The following DGKB variants were observed in gnomAD, a reference collection of about 807,000 sequenced individuals.
DGKB encodes the protein diacylglycerol kinase beta.
DGKB carries 67 observed loss-of-function variants against 114.3 expected under a neutral mutation model. The ratio of observed to expected loss-of-function variants is 0.59; its 90% CI spans 0.48 to 0.72. The LOEUF (loss-of-function observed/expected upper bound fraction) is 0.72. Ranked by LOEUF, DGKB falls within the 30% of genes least tolerant of loss-of-function variation. DGKB has a pLI of 0.00. For missense variants in DGKB, 907 were observed against 975.2 expected (o/e 0.93, Z 0.93); for synonymous variants, 398 against 323.1 (o/e 1.23, Z -2.49).
At chr7:14,555,159 A>T (rs1026714796) in intron 20 of DGKB, among the ~76,000 whole-genome samples, 1 of 152,158 alleles carries the variant, frequency 6.6e-6, no homozygotes. Context: ...ATTTGTTTTT[A>T]TTTAAATGAA....
chr7:14,250,282 T>C (rs1307425515), intron 23 of DGKB, among the ~76,000 whole-genome samples: 2 of 151,962 alleles, frequency 1.3e-5, no homozygotes, highest in Non-Finnish European at 2.9e-5. Flanking sequence ...TTTCTTAATG[T>C]AAGGATTTAT....
Position 14,663,889 on chromosome 7 carries a change from C to G in DGKB, c.1134+9040G>C, listed in dbSNP as rs565743782. 2.0e-5 allele frequency among the ~76,000 whole-genome samples: 3 copies of G among 152,002 alleles called. No homozygotes were observed. In the South Asian group the frequency reaches 6.2e-4, roughly 32 times the overall value. ...TAATAACACTTCTGAAAAGAGGCAG[C>G]TCACTCTCTCAATCCTTACAACTGC... On this transcript the variant is annotated intron_variant, in intron 13 of 25. Coordinates refer to ENST00000402815, the MANE Select transcript of DGKB (RefSeq NM_001350709.2).
At chr7:14,519,435 T>C (rs1333326429) in intron 20 of DGKB, among the ~76,000 whole-genome samples, 1 of 152,146 alleles carries the variant, frequency 6.6e-6, no homozygotes, top group African/African-American at 2.4e-5. Flanking sequence ...TTGTTTCTTT[T>C]AACTGCAAAC....
intron 1 of DGKB, among the ~76,000 whole-genome samples, chr7:14,865,577 C>CT (rs1385891943): frequency 6.6e-6 from 1 of 152,182 alleles, no homozygotes; most frequent in Non-Finnish European, 1.5e-5. Flanking sequence ...GTTTGGCTTC[C>CT]TTTTTCCATT....
At chr7:14,176,800 A>G in intron 25 of DGKB, 39 bp downstream of exon 25, 1 of 1,585,306 alleles carries the variant, frequency 6.3e-7, no homozygotes, top group South Asian at 1.2e-5. Context: ...GGAAAGCAAA[A>G]CTGAGATTGA....
intron 21 of DGKB, among the ~76,000 whole-genome samples, chr7:14,362,133 A>G (rs1448655088): frequency 6.6e-6 from 1 of 152,046 alleles, no homozygotes; most frequent in Non-Finnish European, 1.5e-5. Context: ...GTTTTGTACC[A>G]ATCAATAAGA....
intron 20 of DGKB, among the ~76,000 whole-genome samples, chr7:14,556,511 TTCC>T (rs973381432): frequency 2.6e-5 from 4 of 152,166 alleles, no homozygotes; most frequent in Non-Finnish European, 5.9e-5. Flanking sequence ...AATTATGGTC[TTCC>T]TCCTCATTTT....
At chr7:14,606,581 A>C (rs1430098025) in intron 17 of DGKB, among the ~76,000 whole-genome samples, 1 of 150,852 alleles carries the variant, frequency 6.6e-6, no homozygotes, top group Non-Finnish European at 1.5e-5. Flanking sequence ...ACTAATTTTA[A>C]ATCAACTGCC....
intron 23 of DGKB, among the ~76,000 whole-genome samples, chr7:14,227,069 A>G (rs1790919727): frequency 6.6e-6 from 1 of 151,980 alleles, no homozygotes; most frequent in South Asian, 2.1e-4. Flanking sequence ...TTGTTTTAAG[A>G]GAAAGCTGCC....
In DGKB at chr7:14,262,762, G is replaced by A. The variant is rs1157612485; in HGVS notation, c.2122+75753C>T. On this transcript the variant is annotated intron_variant, in intron 23 of 25. Transcript: ENST00000402815. Reference sequence around the variant, plus strand: ...TGTGGAATGATAAACTCAGAATTAGGGCCAAACCAGCTCCAACTAATCAGA... The same window carrying A: ...TGTGGAATGATAAACTCAGAATTAGAGCCAAACCAGCTCCAACTAATCAGA... Among the ~76,000 whole-genome samples, 3 of 152,044 alleles carry A rather than the reference G, an allele frequency of 2.0e-5. No individual in the cohort carries two copies. The South Asian group carries it at 6.2e-4, about 31-fold the overall frequency.
Position 14,626,147 on chromosome 7 carries a change from T to C in DGKB, c.1167+4089A>G, listed in dbSNP as rs567054568. Among the ~76,000 whole-genome samples the C allele has an allele frequency of 1.5e-4, 23 of 152,310 alleles. No individual in the cohort carries two copies. In the Middle Eastern group the frequency reaches 0.01, roughly 68 times the overall value. ...CTGATTCTCAGAGGTAGAGTATTTG[T>C]ACACTGGTGAAAACTGCTTTCACAA... On this transcript the variant is annotated intron_variant, in intron 14 of 25. Coordinates refer to ENST00000402815, the MANE Select transcript of DGKB (RefSeq NM_001350709.2).
intron 13 of DGKB, among the ~76,000 whole-genome samples, chr7:14,637,043 A>G (rs1185570205): frequency 1.3e-5 from 2 of 151,946 alleles, no homozygotes; most frequent in African/African-American, 4.8e-5. Flanking sequence ...CACATGATAC[A>G]TAGCGCACAA....
At chr7:14,433,290 A>T (rs922408196) in intron 21 of DGKB, among the ~76,000 whole-genome samples, 4 of 152,108 alleles carry the variant, frequency 2.6e-5, no homozygotes, top group African/African-American at 9.7e-5. Flanking sequence ...AACTCTTCTC[A>T]ATCCAATTTC....
At position 14,701,614 on chromosome 7, in the gene DGKB, T is replaced by C. The variant is rs1825190412; in HGVS notation, c.516+67A>G. ...GCCTTCTGTGGTAATAACTACAAAT[T>C]TATTCATTGCATTCTTCAGAAGAAA... is the stretch of plus-strand genomic sequence containing the variant. On this transcript the variant is annotated intron_variant, in intron 7 of 25. Transcript: ENST00000402815. The C allele has an allele frequency of 4.4e-6, 5 of 1,132,654 alleles. No homozygotes were observed. The South Asian group carries it at 6.3e-5, about 14-fold the overall frequency. 70.2% of individuals were successfully genotyped at this position (1,132,654 alleles called of 1,614,324 possible). A position where few individuals can be genotyped will look rare whatever the true frequency, so the allele number is the denominator to read the frequency against.
chr7:14,874,925 C>CT (rs931296747), intron 1 of DGKB, among the ~76,000 whole-genome samples: 1 of 151,998 alleles, frequency 6.6e-6, no homozygotes, highest in African/African-American at 2.4e-5. Flanking sequence ...TTCCCAAACT[C>CT]TTTTTTATTT....
intron 25 of DGKB, among the ~76,000 whole-genome samples, chr7:14,163,498 T>C (rs1562505778): frequency 1.3e-5 from 2 of 152,224 alleles, no homozygotes; most frequent in East Asian, 1.9e-4. Context: ...TGTAAATTTA[T>C]GCAAAAGCAT....
intron 20 of DGKB, among the ~76,000 whole-genome samples, chr7:14,573,079 G>A (rs756576014): frequency 3.9e-5 from 6 of 152,174 alleles, no homozygotes; most frequent in Admixed American, 6.5e-5. Flanking sequence ...TCATTAAAAA[G>A]TACACTTACA....
chr7:14,258,354 T>C (rs757703331), intron 23 of DGKB, among the ~76,000 whole-genome samples: 16 of 152,240 alleles, frequency 1.1e-4, no homozygotes, highest in Non-Finnish European at 1.6e-4. Context: ...TTGTACATTA[T>C]AACTTTTTAA....
intron 21 of DGKB, among the ~76,000 whole-genome samples, chr7:14,403,499 T>C (rs543124810): frequency 7.5e-6 from 1 of 133,726 alleles, no homozygotes; most frequent in South Asian, 2.8e-4. Flanking sequence ...ATATATGTTT[T>C]CTTTGGGGAA....
Sources: gnomAD v4.1 joint callset for allele counts (sites outside exome capture counted in the v4.1 genomes callset) on GRCh38, gnomAD v4.1.1 for gene constraint, MANE v1.5 for transcripts, NCBI Gene and HGNC (gene_info 2026-07-23, HGNC 2026-07-21) for gene names.